Variants in RALYL observed in about 807,000 individuals in gnomAD.
RALYL encodes the protein RALY RNA binding protein like, also known as RNA-binding Raly-like protein.
A neutral mutation model predicts 35.1 loss-of-function variants in RALYL; 29 were observed. The ratio of observed to expected loss-of-function variants is 0.83; its 90% CI spans 0.61 to 1.13. The LOEUF (loss-of-function observed/expected upper bound fraction) is 1.13, where lower values mean the gene tolerates loss of function less well. Among genes scored for constraint, RALYL ranks in the 50% most tolerant of loss-of-function variants. The probability of loss-of-function intolerance (pLI) is 0.00; values close to 1 mark genes in which losing one functional copy is unlikely to be tolerated. For synonymous variants in RALYL, 120 were observed against 127.6 expected (o/e 0.94, Z 0.40); for missense variants, 359 against 360.4 (o/e 1.00, Z 0.03).
At chr8:84,332,894 C>T (rs1306707244) in intron 1 of RALYL, among the ~76,000 whole-genome samples, 2 of 151,982 alleles carry the variant, frequency 1.3e-5, no homozygotes, top group Non-Finnish European at 2.9e-5. Context: ...AATTAAATCT[C>T]ACAGTGATCC....
At chr8:84,309,870 C>A (rs993546700) in intron 1 of RALYL, among the ~76,000 whole-genome samples, 1 of 151,740 alleles carries the variant, frequency 6.6e-6, no homozygotes, top group Non-Finnish European at 1.5e-5. Context: ...TCACTGCAAC[C>A]CCCGCCACCA....
At chr8:84,221,835 T>C (rs752403535) in intron 1 of RALYL, among the ~76,000 whole-genome samples, 2 of 152,144 alleles carry the variant, frequency 1.3e-5, no homozygotes, top group Non-Finnish European at 2.9e-5. Context: ...ATCTATTCTG[T>C]ATTCTTGGAA....
At chr8:84,842,346 G>C (rs1032152404) in intron 4 of RALYL, among the ~76,000 whole-genome samples, 1 of 152,060 alleles carries the variant, frequency 6.6e-6, no homozygotes, top group Non-Finnish European at 1.5e-5. Flanking sequence ...ACACCTCTAC[G>C]CAAATAAACT....
intron 1 of RALYL, among the ~76,000 whole-genome samples, chr8:84,250,002 G>T (rs1178002200): frequency 6.6e-6 from 1 of 151,814 alleles, no homozygotes; most frequent in Non-Finnish European, 1.5e-5. Context: ...AAAAATATTG[G>T]TATGGGATTT....
chr8:84,245,986 C>G (rs1829005680), intron 1 of RALYL, among the ~76,000 whole-genome samples: 1 of 152,040 alleles, frequency 6.6e-6, no homozygotes, highest in African/African-American at 2.4e-5. Flanking sequence ...AAAAATCAAG[C>G]CCTGAATAAT....
intron 1 of RALYL, among the ~76,000 whole-genome samples, chr8:84,299,489 G>T (rs1230152100): frequency 6.6e-6 from 1 of 151,956 alleles, no homozygotes; most frequent in Non-Finnish European, 1.5e-5. Context: ...CATAGAATGA[G>T]TTAAGGAGGA....
intron 1 of RALYL, among the ~76,000 whole-genome samples, chr8:84,227,056 CTT>C (rs1158995864): frequency 5.6e-4 from 46 of 81,892 alleles, no homozygotes; most frequent in African/African-American, 2.0e-3. Flanking sequence ...AATTGTATTT[CTT>C]TTTTTTTTTT....
At chr8:84,341,545 T>C (rs1258056580) in intron 1 of RALYL, among the ~76,000 whole-genome samples, 3 of 152,020 alleles carry the variant, frequency 2.0e-5, no homozygotes, top group African/African-American at 7.2e-5. Context: ...CATTTATATA[T>C]CTACAATTCT....
intron 2 of RALYL, among the ~76,000 whole-genome samples, chr8:84,707,528 G>A (rs768595928): frequency 1.4e-4 from 22 of 151,954 alleles, no homozygotes; most frequent in Non-Finnish European, 2.8e-4. Flanking sequence ...GCTCACTGAA[G>A]TCTGCGATTA....
intron 4 of RALYL, among the ~76,000 whole-genome samples, chr8:84,840,400 G>A (rs1385354582): frequency 6.6e-6 from 1 of 152,148 alleles, no homozygotes; most frequent in Non-Finnish European, 1.5e-5. Context: ...GAAATGAAGT[G>A]AGAAGAGAAG....
chr8:84,840,133 G>A (rs1427140162), intron 4 of RALYL, among the ~76,000 whole-genome samples: 3 of 152,266 alleles, frequency 2.0e-5, no homozygotes, highest in African/African-American at 4.8e-5. Flanking sequence ...ACTTTGACGA[G>A]TTGAGAGAAT....
intron 2 of RALYL, among the ~76,000 whole-genome samples, chr8:84,567,695 T>G (rs1019316509): frequency 6.6e-6 from 1 of 151,204 alleles, no homozygotes; most frequent in African/African-American, 2.4e-5. Flanking sequence ...TTTTTTATAA[T>G]GATTTATTTT....
chr8:84,489,326 T>C (rs6473552), intron 1 of RALYL, among the ~76,000 whole-genome samples: 8 of 151,564 alleles, frequency 5.3e-5, no homozygotes, highest in Non-Finnish European at 1.0e-4. Flanking sequence ...CTGTGAGTTA[T>C]TTATTGATGT....
intron 3 of RALYL, among the ~76,000 whole-genome samples, chr8:84,796,148 G>A (rs559355048): frequency 1.9e-4 from 29 of 152,278 alleles, no homozygotes; most frequent in Non-Finnish European, 3.7e-4. Context: ...TGCGCAGATG[G>A]AGGTGAGGAG....
Position 84,764,129 on chromosome 8 carries a change from A to G in RALYL, c.257-10450A>G, listed in dbSNP as rs140234859. ...GTGTCTTGGGAAGAAACCACCTCAT[A>G]TACCAAGAACGAACCCTGAGGGTGG... On this transcript the variant is annotated intron_variant, in intron 2 of 8. Coordinates refer to ENST00000521268, the MANE Select transcript of RALYL (RefSeq NM_173848.7). Among the ~76,000 whole-genome samples, 6 of 152,344 alleles carry G rather than the reference A, an allele frequency of 3.9e-5. No individual in the cohort carries two copies. The East Asian group carries it at 5.8e-4, about 15-fold the overall frequency.
intron 1 of RALYL, among the ~76,000 whole-genome samples, chr8:84,461,954 T>C (rs796722536): frequency 6.6e-5 from 10 of 151,810 alleles, no homozygotes; most frequent in African/African-American, 2.4e-4. Context: ...CTTTATGTTA[T>C]ACTTTCTGTG....
At chr8:84,554,778 A>G (rs1204755853) in intron 2 of RALYL, among the ~76,000 whole-genome samples, 1 of 152,232 alleles carries the variant, frequency 6.6e-6, no homozygotes, top group African/African-American at 2.4e-5. Context: ...GAATAATACT[A>G]TATAAATGCA....
chr8:84,228,984 G>C lies in RALYL; in HGVS notation c.-24+44560G>C, dbSNP rs958525134. ...TCAAGGTGAGATTTGGGTGGGAACA[G>C]AGAGCCAAACTATATCACATCCCCA... is the stretch of plus-strand genomic sequence containing the variant. On this transcript the variant is annotated intron_variant, in intron 1 of 8. Coordinates refer to ENST00000521268, the MANE Select transcript of RALYL (RefSeq NM_173848.7). Among the ~76,000 whole-genome samples, 6 of 152,154 alleles carry C rather than the reference G, an allele frequency of 3.9e-5. 1 individual carries two copies. In the South Asian group the frequency reaches 6.2e-4, roughly 16 times the overall value.
intron 1 of RALYL, among the ~76,000 whole-genome samples, chr8:84,463,113 C>G (rs1024974599): frequency 1.3e-5 from 2 of 151,878 alleles, no homozygotes; most frequent in African/African-American, 4.8e-5. Context: ...TTCACTCTTT[C>G]TCATAGTTTA....
Sources: allele counts gnomAD v4.1 joint callset (sites outside exome capture counted in the v4.1 genomes callset), GRCh38; gene constraint gnomAD v4.1.1; transcripts MANE v1.5; gene names NCBI Gene and HGNC (gene_info 2026-07-23, HGNC 2026-07-21).